The following CHRM3 variants were observed in gnomAD, a reference collection of about 807,000 sequenced individuals.
The protein encoded by CHRM3 is cholinergic receptor muscarinic 3.
In CHRM3, 11 loss-of-function variants were observed where a neutral mutation model predicts 41.8. The ratio of observed to expected loss-of-function variants is 0.26; its 90% CI spans 0.17 to 0.44. CHRM3 has a LOEUF of 0.44. CHRM3 is among the 20% of genes least tolerant of loss of function. CHRM3 has a pLI of 1.00. For synonymous variants in CHRM3, 297 were observed against 301.4 expected (o/e 0.99, Z 0.15); for missense variants, 571 against 745.4 (o/e 0.77, Z 2.72).
Position 239,406,574 on chromosome 1 carries a change from G to A in CHRM3, c.-521+19347G>A, listed in dbSNP as rs986696384. On this transcript the variant is annotated intron_variant, in intron 1 of 6. Transcript: ENST00000676153. Reference sequence around the variant, plus strand: ...GAAAGCTGGCCCAAACCCCACTACTGAGTAGCCCATCCTCATTCCAGCAAA... The same window carrying A: ...GAAAGCTGGCCCAAACCCCACTACTAAGTAGCCCATCCTCATTCCAGCAAA... Among the ~76,000 whole-genome samples, 11 of 152,142 alleles carry A rather than the reference G, an allele frequency of 7.2e-5. No individual in the cohort carries two copies. In the East Asian group the frequency reaches 2.1e-3, roughly 29 times the overall value.
intron 5 of CHRM3, among the ~76,000 whole-genome samples, chr1:239,825,591 A>G (rs1672391522): frequency 6.6e-6 from 1 of 152,262 alleles, no homozygotes; most frequent in Non-Finnish European, 1.5e-5. Context: ...TCATAGCAGC[A>G]TTATTCACAA....
At chr1:239,667,025 C>T (rs533940031) in intron 4 of CHRM3, among the ~76,000 whole-genome samples, 2 of 152,162 alleles carry the variant, frequency 1.3e-5, no homozygotes, top group South Asian at 2.1e-4. Flanking sequence ...CTGCGTGACA[C>T]TCTTTTCTTC....
intron 1 of CHRM3, among the ~76,000 whole-genome samples, chr1:239,458,931 A>T: frequency 6.6e-6 from 1 of 152,158 alleles, no homozygotes; most frequent in East Asian, 1.9e-4. Flanking sequence ...CTTGCACCTT[A>T]GATGTACAGG....
intron 4 of CHRM3, among the ~76,000 whole-genome samples, chr1:239,644,227 T>G (rs1404484594): frequency 6.6e-6 from 1 of 152,122 alleles, no homozygotes; most frequent in African/African-American, 2.4e-5. Flanking sequence ...CAGCTGCAAA[T>G]GGACAGAAGC....
intron 1 of CHRM3, among the ~76,000 whole-genome samples, chr1:239,447,088 C>CT (rs2103294080): frequency 6.6e-6 from 1 of 152,264 alleles, no homozygotes; most frequent in East Asian, 1.9e-4. Context: ...TAACTGGAAT[C>CT]TAATTCATGA....
intron 3 of CHRM3, among the ~76,000 whole-genome samples, chr1:239,627,918 C>G (rs551588642): frequency 6.7e-6 from 1 of 149,624 alleles, no homozygotes; most frequent in Non-Finnish European, 1.5e-5. Context: ...CGACCATTCT[C>G]TCTGGCTGCC....
At chr1:239,642,416 A>G (rs910179436) in intron 4 of CHRM3, among the ~76,000 whole-genome samples, 1 of 152,058 alleles carries the variant, frequency 6.6e-6, no homozygotes, top group Non-Finnish European at 1.5e-5. Context: ...TCAGATGTAG[A>G]TTTGGTCTTT....
intron 5 of CHRM3, among the ~76,000 whole-genome samples, chr1:239,734,716 T>C (rs868452411): frequency 2.0e-5 from 3 of 152,222 alleles, no homozygotes; most frequent in East Asian, 1.9e-4. Context: ...ACTGGTATAG[T>C]GATTATACAT....
chr1:239,696,263 A>C (rs932285048), intron 5 of CHRM3, among the ~76,000 whole-genome samples: 1 of 152,166 alleles, frequency 6.6e-6, no homozygotes, highest in African/African-American at 2.4e-5. Context: ...CTTGCCAAGA[A>C]ATCTTATATC....
intron 1 of CHRM3, among the ~76,000 whole-genome samples, chr1:239,399,064 G>A (rs1034033976): frequency 6.6e-6 from 1 of 152,130 alleles, no homozygotes; most frequent in Non-Finnish European, 1.5e-5. Flanking sequence ...GAACCACCAT[G>A]GGCAAAGAAA....
intron 1 of CHRM3, among the ~76,000 whole-genome samples, chr1:239,391,038 T>C (rs1245801648): frequency 6.6e-6 from 1 of 152,086 alleles, no homozygotes; most frequent in Non-Finnish European, 1.5e-5. Context: ...CTAAGGAAGA[T>C]GCAGTGGGAA....
intron 5 of CHRM3, among the ~76,000 whole-genome samples, chr1:239,679,201 AT>A (rs1658318648): frequency 1.3e-5 from 2 of 152,214 alleles, no homozygotes; most frequent in South Asian, 4.1e-4. Flanking sequence ...TATTAAAAAT[AT>A]AGCAGGCTTG....
chr1:239,649,126 C>T (rs970068012), intron 4 of CHRM3, among the ~76,000 whole-genome samples: 47 of 151,876 alleles, frequency 3.1e-4, no homozygotes, highest in African/African-American at 1.1e-3. Context: ...GTTTCTGTTC[C>T]CCTAAATTCA....
intron 3 of CHRM3, among the ~76,000 whole-genome samples, chr1:239,588,994 T>A (rs1182144380): frequency 6.6e-6 from 1 of 152,030 alleles, no homozygotes; most frequent in Non-Finnish European, 1.5e-5. Flanking sequence ...AGTGCCATGG[T>A]GCAATCCTGG....
intron 5 of CHRM3, chr1:239,727,840 A>G (rs1328691691): frequency 6.6e-6 from 1 of 151,900 alleles, no homozygotes; most frequent in East Asian, 1.9e-4. Context: ...GGACAAGGAC[A>G]CCTTAAGCAC....
At chr1:239,426,099 A>T (rs1003035398) in intron 1 of CHRM3, among the ~76,000 whole-genome samples, 7 of 145,742 alleles carry the variant, frequency 4.8e-5, no homozygotes. Context: ...TTAACTCGTC[A>T]TTTAACATTA....
rs1231493671 is a variant in CHRM3, at chr1:239,908,558, C to T, written c.1107C>T (p.Leu369=). The part of the protein sequence containing the change: ...SETRAIYSIV[L]KLPGHSTILN... ...CGAGAGCCATCTACTCCATCGTGCT[C>T]AAGCTTCCGGGTCACAGCACCATCC... The change falls in exon 7 of 7, where the codon CTC becomes CTT. Residue 369 remains leucine (L), a synonymous_variant. Transcript: ENST00000676153. This position sits in a 1 kb window ranked among gnomAD's most constrained non-coding sequence, Gnocchi z 7.2. 3.1e-6 allele frequency: 5 copies of T among 1,588,386 alleles called. No homozygotes were observed. The African/African-American group carries it at 5.4e-5, about 17-fold the overall frequency.
chr1:239,449,898 G>A (rs2103313083), intron 1 of CHRM3, among the ~76,000 whole-genome samples: 1 of 152,236 alleles, frequency 6.6e-6, no homozygotes, highest in African/African-American at 2.4e-5. Context: ...CTTCAGCAAC[G>A]TGAATTACTG....
chr1:239,640,675 G>T (rs1671031420), intron 4 of CHRM3, among the ~76,000 whole-genome samples: 1 of 149,634 alleles, frequency 6.7e-6, no homozygotes, highest in African/African-American at 2.5e-5. Context: ...TATTAGTCTT[G>T]CTAGCAGTCT....
Sources: allele counts gnomAD v4.1 joint callset (sites outside exome capture counted in the v4.1 genomes callset), GRCh38; gene constraint gnomAD v4.1.1; non-coding constraint Gnocchi (gnomAD v3.1); transcripts MANE v1.5; gene names NCBI Gene and HGNC (gene_info 2026-07-23, HGNC 2026-07-21).